ERBB4: variants seen among roughly 807,000 people sequenced by gnomAD.
The protein encoded by ERBB4 is receptor tyrosine-protein kinase erbB-4.
A neutral mutation model predicts 158.0 loss-of-function variants in ERBB4; 42 were observed. The observed-to-expected ratio is 0.27, with a 90% confidence interval of 0.21 to 0.34. ERBB4 has a LOEUF of 0.34. ERBB4 is among the 10% of genes least tolerant of loss of function. The pLI, the probability that ERBB4 is intolerant of heterozygous loss-of-function variation, is 1.00. For missense variants in ERBB4, 1,333 were observed against 1,624.1 expected, an observed-to-expected ratio of 0.82 and a Z score of 3.08; for synonymous variants, 583 against 558.7, an observed-to-expected ratio of 1.04 and a Z score of -0.61.
At chr2:212,325,157 G>A (rs966575412) in intron 1 of ERBB4, among the ~76,000 whole-genome samples, 1 of 150,668 alleles carries the variant, frequency 6.6e-6, no homozygotes, top group Non-Finnish European at 1.5e-5. Flanking sequence ...TTTGAAGCAT[G>A]CATGTTTATC....
At chr2:212,188,233 T>C (rs866672012) in intron 1 of ERBB4, among the ~76,000 whole-genome samples, 334 of 16,560 alleles carry the variant, frequency 0.02, 41 homozygotes, top group African/African-American at 0.084. Context: ...TCTCTCTCTC[T>C]CCCCCCCCCT....
At chr2:212,158,688 T>C (rs2081114988) in intron 1 of ERBB4, among the ~76,000 whole-genome samples, 1 of 152,028 alleles carries the variant, frequency 6.6e-6, no homozygotes, top group African/African-American at 2.4e-5. Flanking sequence ...AGAGACAATG[T>C]GCAATTCACT....
At chr2:212,518,527 TA>T (rs1464637977) in intron 1 of ERBB4, among the ~76,000 whole-genome samples, 1 of 152,006 alleles carries the variant, frequency 6.6e-6, no homozygotes, top group African/African-American at 2.4e-5. Context: ...CAAAAGGTAC[TA>T]ACAGAATTGC....
chr2:211,913,527 G>A (rs1369397603), intron 3 of ERBB4, among the ~76,000 whole-genome samples: 1 of 151,904 alleles, frequency 6.6e-6, no homozygotes, highest in Non-Finnish European at 1.5e-5. Context: ...CTCGAACTCG[G>A]GAGGTGGAGG....
At chr2:212,209,029 A>G (rs1213390917) in intron 1 of ERBB4, among the ~76,000 whole-genome samples, 3 of 152,144 alleles carry the variant, frequency 2.0e-5, no homozygotes, top group African/African-American at 7.2e-5. Flanking sequence ...CTCAGAACAT[A>G]CAAGAAAAGA....
chr2:212,470,291 C>T (rs1689051703), intron 1 of ERBB4, among the ~76,000 whole-genome samples: 1 of 152,040 alleles, frequency 6.6e-6, no homozygotes, highest in African/African-American at 2.4e-5. Context: ...CTCTGTGCTT[C>T]TTCACCCAGT....
intron 19 of ERBB4, among the ~76,000 whole-genome samples, chr2:211,575,492 C>T (rs1036930928): frequency 2.6e-5 from 4 of 152,238 alleles, no homozygotes; most frequent in South Asian, 4.1e-4. Context: ...ATAGAACAGA[C>T]TTTAGTAAAT....
At position 211,704,214 on chromosome 2, in the gene ERBB4, A is replaced by T. The variant is rs971755863; in HGVS notation, c.1199-20T>A. ...GGAAACCTACAAGTGAAGAGTAGAA[A>T]AAATAAATCAGAATATCATTGTCTT... On this transcript the variant is annotated intron_variant, in intron 10 of 27. Transcript: ENST00000342788. The T allele has an allele frequency of 7.0e-7, 1 of 1,433,356 alleles. No homozygotes were observed. The highest frequency in any genetic ancestry group is 1.4e-5 in the African/African-American group (1 of 71,610). The allele number at this position is 1,433,356 out of a possible 1,614,324, so 88.8% of individuals were successfully genotyped here.
intron 27 of ERBB4, among the ~76,000 whole-genome samples, chr2:211,386,481 C>T (rs558370949): frequency 3.3e-5 from 5 of 152,230 alleles, no homozygotes; most frequent in Admixed American, 6.5e-5. Context: ...TTCTGATCTC[C>T]GCAATTAAGT....
rs1321704392 is a variant in ERBB4, at chr2:212,191,743, C to CATATAACACGTGTTATACATGTTAT, written c.83-66865_83-66841dup. On this transcript the variant is annotated intron_variant, in intron 1 of 27. Coordinates refer to ENST00000342788, the MANE Select transcript of ERBB4 (RefSeq NM_005235.3). Reference sequence around the variant, plus strand: ...CATATAACACGTGTTATACATGTTACATATAACACGTGTTATACATGTTAT... The same window carrying CATATAACACGTGTTATACATGTTAT: ...CATATAACACGTGTTATACATGTTACATATAACACGTGTTATACATGTTATATATAACACGTGTTATACATGTTAT... Among the ~76,000 whole-genome samples, 7 of 42,748 alleles carry CATATAACACGTGTTATACATGTTAT rather than the reference C, an allele frequency of 1.6e-4. 1 individual carries two copies. The highest frequency in any genetic ancestry group is 4.5e-4 in the African/African-American group (7 of 15,598). The allele number at this position is 42,748 out of a possible 152,430, so 28.0% of individuals were successfully genotyped here. A position where few individuals can be genotyped will look rare whatever the true frequency, so the allele number is the denominator to read the frequency against.
intron 2 of ERBB4, among the ~76,000 whole-genome samples, chr2:212,059,984 A>G (rs527956220): frequency 6.6e-6 from 1 of 152,156 alleles, no homozygotes; most frequent in Admixed American, 6.5e-5. Context: ...GCAAAAGAAA[A>G]TACCATCAGA....
At chr2:211,919,940 C>A (rs1226554418) in intron 3 of ERBB4, among the ~76,000 whole-genome samples, 1 of 151,972 alleles carries the variant, frequency 6.6e-6, no homozygotes. Flanking sequence ...ATTTAAACAA[C>A]CACTAATCTT....
chr2:212,466,156 C>T (rs913208299), intron 1 of ERBB4, among the ~76,000 whole-genome samples: 12 of 152,172 alleles, frequency 7.9e-5, no homozygotes, highest in African/African-American at 2.9e-4. Context: ...ATTATAATTC[C>T]AACAGTAGTG....
chr2:212,351,963 A>G (rs557901361), intron 1 of ERBB4, among the ~76,000 whole-genome samples: 1 of 152,302 alleles, frequency 6.6e-6, no homozygotes, highest in East Asian at 1.9e-4. Flanking sequence ...TGATACATAT[A>G]CACTGTGGAA....
chr2:212,102,420 T>C lies in ERBB4; in HGVS notation c.234+22332A>G, dbSNP rs547128919. Among the ~76,000 whole-genome samples, 3 of 152,116 alleles carry C rather than the reference T, an allele frequency of 2.0e-5. No homozygotes were observed. The South Asian group carries it at 6.2e-4, about 32-fold the overall frequency. On this transcript the variant is annotated intron_variant, in intron 2 of 27. Coordinates refer to ENST00000342788, the MANE Select transcript of ERBB4 (RefSeq NM_005235.3). Reference sequence around the variant, plus strand: ...AAAATGCCCTTGGCATTTGTTTCATTTGTTGATCATTTTCATCTCCAATAG... The same window carrying C: ...AAAATGCCCTTGGCATTTGTTTCATCTGTTGATCATTTTCATCTCCAATAG...
At chr2:211,971,204 C>T (rs1033840884) in intron 2 of ERBB4, among the ~76,000 whole-genome samples, 3 of 152,142 alleles carry the variant, frequency 2.0e-5, no homozygotes, top group African/African-American at 7.2e-5. Flanking sequence ...ATGTTGGCTC[C>T]TAATCTCTTC....
intron 1 of ERBB4, among the ~76,000 whole-genome samples, chr2:212,241,270 TAAAAAAATA>T (rs1212916713): frequency 4.0e-5 from 6 of 149,622 alleles, no homozygotes; most frequent in African/African-American, 1.5e-4. Context: ...AATAAAAAAA[TAAAAAAATA>T]AAAAAAATTT....
At chr2:211,690,960 A>G (rs2072792924) in intron 12 of ERBB4, among the ~76,000 whole-genome samples, 1 of 152,152 alleles carries the variant, frequency 6.6e-6, no homozygotes, top group Non-Finnish European at 1.5e-5. Context: ...ATTTGGAGAG[A>G]TAATAATGTG....
intron 1 of ERBB4, among the ~76,000 whole-genome samples, chr2:212,226,146 A>G (rs186883060): frequency 3.9e-5 from 6 of 152,274 alleles, no homozygotes; most frequent in Admixed American, 3.3e-4. Context: ...AGGAAGCTAT[A>G]TGGCTAGGAC....
Sources: allele counts gnomAD v4.1 joint callset (sites outside exome capture counted in the v4.1 genomes callset), GRCh38; gene constraint gnomAD v4.1.1; transcripts MANE v1.5; gene names NCBI Gene and HGNC (gene_info 2026-07-23, HGNC 2026-07-21).